PPP1R1C: variants seen among roughly 807,000 people sequenced by gnomAD.
The protein encoded by PPP1R1C is protein phosphatase 1 regulatory inhibitor subunit 1C.
In PPP1R1C, 15 loss-of-function variants were observed where a neutral mutation model predicts 17.4. The ratio of observed to expected loss-of-function variants is 0.86; its 90% confidence interval spans 0.58 to 1.33. The LOEUF is 1.33. PPP1R1C is among the 40% of genes most tolerant of loss of function. The pLI, the probability that PPP1R1C is intolerant of heterozygous loss-of-function variation, is 0.00. For missense variants in PPP1R1C, 143 were observed against 130.0 expected (o/e 1.10, Z -0.48); for synonymous variants, 35 against 43.1 (o/e 0.81, Z 0.73).
intron 1 of PPP1R1C, among the ~76,000 whole-genome samples, chr2:181,974,436 G>T (rs1327318479): frequency 6.6e-6 from 1 of 152,080 alleles, no homozygotes; most frequent in Non-Finnish European, 1.5e-5. Context: ...TATCTTAACT[G>T]CACTTTAATA....
chr2:182,007,869 T>C (rs1259337521), intron 2 of PPP1R1C, among the ~76,000 whole-genome samples: 2 of 152,148 alleles, frequency 1.3e-5, no homozygotes, highest in Admixed American at 1.3e-4. Flanking sequence ...GAGACCATCC[T>C]GGCTAACACG....
At chr2:182,056,741 T>C (rs370649746) in intron 2 of PPP1R1C, among the ~76,000 whole-genome samples, 2 of 152,204 alleles carry the variant, frequency 1.3e-5, no homozygotes, top group African/African-American at 2.4e-5. Context: ...CTAGTTTCTG[T>C]AAAATTATAT....
At chr2:181,987,744 G>GA in intron 1 of PPP1R1C, 95 bp from the exon 2 acceptor site, 1 of 1,282,498 alleles carries the variant, frequency 7.8e-7, no homozygotes. Flanking sequence ...TGCATGTGGG[G>GA]AAAAGATGAG....
chr2:182,045,446 A>G (rs1460805463), intron 2 of PPP1R1C, among the ~76,000 whole-genome samples: 8 of 152,046 alleles, frequency 5.3e-5, no homozygotes, highest in Admixed American at 3.3e-4. Context: ...GTAACAAAAA[A>G]AAAAAAACTT....
intron 4 of PPP1R1C, among the ~76,000 whole-genome samples, chr2:182,113,983 T>C (rs1689511497): frequency 6.6e-6 from 1 of 152,206 alleles, no homozygotes; most frequent in South Asian, 2.1e-4. Context: ...ATCTACAGAA[T>C]AGAGAAGAGA....
intron 1 of PPP1R1C, among the ~76,000 whole-genome samples, chr2:181,971,064 C>G (rs993691623): frequency 3.3e-5 from 5 of 152,156 alleles, no homozygotes; most frequent in African/African-American, 1.2e-4. Flanking sequence ...GTGCTCTACC[C>G]CATTGTGACC....
At chr2:182,094,335 C>T (rs997741755) in intron 4 of PPP1R1C, among the ~76,000 whole-genome samples, 14 of 151,994 alleles carry the variant, frequency 9.2e-5, no homozygotes, top group East Asian at 3.9e-4. Flanking sequence ...GTGGGAATTA[C>T]GGGAGATACA....
chr2:182,128,644 G>A lies in PPP1R1C; in HGVS notation c.*7-330G>A, dbSNP rs541027395. 2.0e-3 allele frequency among the ~76,000 whole-genome samples: 159 copies of A among 81,414 alleles called. 2 individuals are homozygous for A. The East Asian group carries it at 0.03, about 15-fold the overall frequency. 53.4% of individuals were successfully genotyped at this position (81,414 alleles called of 152,430 possible). A position where few individuals can be genotyped will look rare whatever the true frequency, so the allele number is the denominator to read the frequency against. ...AACACACATATGCATATGTATGTAC[G>A]TATGTATATATGCATGTATGTATGT... On this transcript the variant is annotated intron_variant, in intron 5 of 5. Coordinates refer to the PPP1R1C transcript ENST00000280295.
intron 4 of PPP1R1C, among the ~76,000 whole-genome samples, chr2:182,112,176 G>A (rs1689458601): frequency 6.6e-6 from 1 of 152,054 alleles, no homozygotes; most frequent in Non-Finnish European, 1.5e-5. Flanking sequence ...GCACACAGTA[G>A]GGGCTTTATT....
chr2:182,126,867 G>A (rs1421441696), intron 5 of PPP1R1C, among the ~76,000 whole-genome samples: 1 of 151,950 alleles, frequency 6.6e-6, no homozygotes, highest in East Asian at 1.9e-4. Context: ...GGTAAAGGAG[G>A]GAATTTGTAA....
intron 4 of PPP1R1C, among the ~76,000 whole-genome samples, chr2:182,110,463 T>C (rs1270065585): frequency 1.3e-5 from 2 of 152,156 alleles, no homozygotes; most frequent in African/African-American, 4.8e-5. Flanking sequence ...GAGGTTTTCC[T>C]TGGTGAGCTC....
rs545003732 is a variant in PPP1R1C, at chr2:182,112,179, G to T, written c.242-5028G>T. On this transcript the variant is annotated intron_variant, in intron 4 of 4. Coordinates refer to ENST00000682840, the MANE Select transcript of PPP1R1C (RefSeq NM_001080545.3). ...TTTTCATGCTCAGCACACAGTAGGG[G>T]CTTTATTATATTTAACACATACTGC... 2.0e-5 allele frequency among the ~76,000 whole-genome samples: 3 copies of T among 152,130 alleles called. No individual in the cohort carries two copies. The East Asian group carries it at 5.8e-4, about 29-fold the overall frequency.
intron 2 of PPP1R1C, among the ~76,000 whole-genome samples, chr2:182,044,056 T>C (rs1687269216): frequency 6.6e-6 from 1 of 152,212 alleles, no homozygotes; most frequent in Non-Finnish European, 1.5e-5. Flanking sequence ...CGAGTCATTG[T>C]GCAAGTCGAG....
At chr2:182,074,288 G>T (rs531409522) in intron 4 of PPP1R1C, among the ~76,000 whole-genome samples, 1 of 152,038 alleles carries the variant, frequency 6.6e-6, no homozygotes, top group East Asian at 2.0e-4. Flanking sequence ...TGATCCGCCC[G>T]CCTCAGCCTC....
chr2:182,074,537 T>A (rs1030766878), intron 4 of PPP1R1C, among the ~76,000 whole-genome samples: 1 of 152,192 alleles, frequency 6.6e-6, no homozygotes, highest in African/African-American at 2.4e-5. Flanking sequence ...TCAATTGAAA[T>A]CCTTGTAAAA....
At chr2:182,088,368 G>A (rs937887086) in intron 4 of PPP1R1C, among the ~76,000 whole-genome samples, 9 of 152,182 alleles carry the variant, frequency 5.9e-5, no homozygotes, top group South Asian at 2.1e-4. Flanking sequence ...ACATGTTCTC[G>A]GACCTCTTGC....
At chr2:182,027,325 T>A (rs1428940973) in intron 2 of PPP1R1C, among the ~76,000 whole-genome samples, 2 of 144,224 alleles carry the variant, frequency 1.4e-5, no homozygotes, top group South Asian at 4.6e-4. Flanking sequence ...TTTGCCCATT[T>A]AGTATGATAT....
At chr2:182,023,200 G>T (rs1056133646) in intron 2 of PPP1R1C, among the ~76,000 whole-genome samples, 1 of 152,130 alleles carries the variant, frequency 6.6e-6, no homozygotes, top group Non-Finnish European at 1.5e-5. Flanking sequence ...CAGAAATACT[G>T]AGTAACAACA....
chr2:182,124,599 G>T, intron 5 of PPP1R1C, among the ~76,000 whole-genome samples: 1 of 151,750 alleles, frequency 6.6e-6, no homozygotes, highest in East Asian at 1.9e-4. Context: ...GTTCTCCTTA[G>T]AGAGGTCCTT....
Sources: gnomAD v4.1 joint callset for allele counts (sites outside exome capture counted in the v4.1 genomes callset) on GRCh38, gnomAD v4.1.1 for gene constraint, MANE v1.5 for transcripts, NCBI Gene and HGNC (gene_info 2026-07-23, HGNC 2026-07-21) for gene names.